Variants in CDC40 observed in about 807,000 individuals in gnomAD.
CDC40 encodes the protein cell division cycle 40.
Under a neutral mutation model 80.6 loss-of-function variants are expected in CDC40, and 27 were observed. The observed-to-expected ratio is 0.33, with a 90% CI of 0.25 to 0.46. The LOEUF is 0.46. Among genes scored for constraint, CDC40 ranks in the 20% least tolerant of loss-of-function variants. The probability of loss-of-function intolerance (pLI) is 1.00; values close to 1 mark genes in which losing one functional copy is unlikely to be tolerated. For synonymous variants in CDC40, 221 were observed against 232.6 expected, an observed-to-expected ratio of 0.95 and a Z score of 0.45; for missense variants, 486 against 694.1, an observed-to-expected ratio of 0.70 and a Z score of 3.37.
intron 10 of CDC40, among the ~76,000 whole-genome samples, chr6:110,218,457 A>G (rs1777727466): frequency 6.6e-6 from 1 of 152,168 alleles, no homozygotes; most frequent in South Asian, 2.1e-4. Flanking sequence ...CTATGAGGTA[A>G]GTACTATTAT....
chr6:110,211,988 C>T (rs1584076308), intron 6 of CDC40, 145 bp from the exon 7 acceptor site: 2 of 626,564 alleles, frequency 3.2e-6, no homozygotes, highest in East Asian at 5.5e-5. Context: ...TTAGCTGACT[C>T]ATGATCTTGA....
rs1050600239 is a variant in CDC40 at position 110,231,745 on chromosome 6, A to G, written c.*1614A>G. ...GAGTCCAGTGAGGTCATAGCAGTGTATGCTCCTTGCCCTTACGGAGTGTCT... is the reference window on the plus strand; with the variant it reads ...GAGTCCAGTGAGGTCATAGCAGTGTGTGCTCCTTGCCCTTACGGAGTGTCT... On this transcript the variant is annotated 3_prime_UTR_variant, in exon 15 of 15. Transcript: ENST00000307731. 1.3e-5 allele frequency: 2 copies of G among 151,182 alleles called. No individual in the cohort carries two copies. The highest frequency in any genetic ancestry group is 4.9e-5 in the African/African-American group (2 of 41,084). 9.4% of individuals were successfully genotyped at this position (151,182 alleles called of 1,614,324 possible).
intron 12 of CDC40, chr6:110,224,275 GT>G (rs1230531696): frequency 1.3e-5 from 2 of 151,884 alleles, no homozygotes; most frequent in African/African-American, 2.4e-5. Flanking sequence ...CTTTTATTAG[GT>G]TTTTTTCGTG....
intron 12 of CDC40, among the ~76,000 whole-genome samples, chr6:110,222,139 C>T (rs901057385): frequency 6.6e-6 from 1 of 152,126 alleles, no homozygotes; most frequent in East Asian, 1.9e-4. Flanking sequence ...CCTGTAGTCC[C>T]AGCTACTCGG....
At chr6:110,206,723 A>G (rs1275491953) in intron 3 of CDC40, among the ~76,000 whole-genome samples, 1 of 152,216 alleles carries the variant, frequency 6.6e-6, no homozygotes, top group African/African-American at 2.4e-5. Context: ...GCTAGATTTT[A>G]TGTAATCTTC....
intron 9 of CDC40, among the ~76,000 whole-genome samples, chr6:110,215,845 T>C (rs1321748688): frequency 1.3e-5 from 2 of 152,162 alleles, no homozygotes; most frequent in African/African-American, 4.8e-5. Flanking sequence ...TTAGAGATGA[T>C]GAGCGCCTGA....
intron 2 of CDC40, among the ~76,000 whole-genome samples, chr6:110,197,495 G>C (rs1231776861): frequency 6.6e-6 from 1 of 152,048 alleles, no homozygotes; most frequent in African/African-American, 2.4e-5. Context: ...ATTAACTGTA[G>C]TCACCATGTT....
intron 1 of CDC40, among the ~76,000 whole-genome samples, chr6:110,191,106 G>T (rs1490016826): frequency 6.6e-6 from 1 of 152,234 alleles, no homozygotes; most frequent in African/African-American, 2.4e-5. Context: ...GAGAAACTAA[G>T]TTGCCTGTTT....
rs112593149 is a variant in CDC40 at position 110,181,886 on chromosome 6, G to A, written c.189+1253G>A. Among the ~76,000 whole-genome samples, 840 of 152,170 alleles carry A rather than the reference G, an allele frequency of 5.5e-3. 12 individuals carry two copies. Among genetic ancestry groups the A allele is most frequent in the African/African-American group, 0.02 (813 of 41,518 alleles). On this transcript the variant is annotated intron_variant, in intron 1 of 14. Transcript: ENST00000307731. Reference sequence around the variant, plus strand: ...TCCTCTTTCTTGAAACTTTCTCTCCGTTTCGCTTCCATGGGGCTCTACTCA... The same window carrying A: ...TCCTCTTTCTTGAAACTTTCTCTCCATTTCGCTTCCATGGGGCTCTACTCA...
chr6:110,228,493 C>T lies in CDC40; in HGVS notation c.1418-339C>T, dbSNP rs189963401. Among the ~76,000 whole-genome samples, 29 of 152,132 alleles carry T rather than the reference C, an allele frequency of 1.9e-4. No individual in the cohort carries two copies. In the East Asian group the frequency reaches 5.0e-3, roughly 26 times the overall value. The stretch of plus-strand genomic sequence containing the variant: ...CTCCTATTTCCCATAGTTCTGTTGT[C>T]TATACTTACTATAAATTAATTTCAT... On this transcript the variant is annotated intron_variant, in intron 13 of 14. Transcript: ENST00000307731.
chr6:110,203,299 A>G (rs1777516512), intron 3 of CDC40, among the ~76,000 whole-genome samples: 1 of 152,176 alleles, frequency 6.6e-6, no homozygotes, highest in Non-Finnish European at 1.5e-5. Context: ...TCTTATAGAA[A>G]GTTCTTATCT....
chr6:110,185,625 TG>T (rs1777259359), intron 1 of CDC40, among the ~76,000 whole-genome samples: 1 of 152,174 alleles, frequency 6.6e-6, no homozygotes, highest in Non-Finnish European at 1.5e-5. Flanking sequence ...ACCCCTGAAC[TG>T]GAACATAAAA....
chr6:110,216,616 C>T (rs1030638017), intron 9 of CDC40, among the ~76,000 whole-genome samples: 2 of 152,104 alleles, frequency 1.3e-5, no homozygotes, highest in Non-Finnish European at 2.9e-5. Flanking sequence ...AAAAGGATGC[C>T]TAATTACCAT....
chr6:110,207,930 G>A (rs1047562265), intron 4 of CDC40, among the ~76,000 whole-genome samples: 4 of 152,156 alleles, frequency 2.6e-5, no homozygotes, highest in African/African-American at 9.7e-5. Context: ...CAACATTAAT[G>A]TCAAGCTTCA....
chr6:110,217,652 AGATATAT>A (rs774489790), intron 9 of CDC40, 43 bp from the exon 10 acceptor site: 2 of 830,032 alleles, frequency 2.4e-6, no homozygotes, highest in Non-Finnish European at 4.3e-6. Context: ...TAAGAGAAGA[AGATATAT>A]GATACTTCAC....
At chr6:110,203,047 G>T (rs1276543973) in intron 3 of CDC40, among the ~76,000 whole-genome samples, 3 of 152,058 alleles carry the variant, frequency 2.0e-5, no homozygotes, top group Non-Finnish European at 4.4e-5. Context: ...ATAGATCTTA[G>T]ATAAGGTCGA....
intron 12 of CDC40, among the ~76,000 whole-genome samples, chr6:110,221,024 T>C (rs1024744122): frequency 1.3e-5 from 2 of 152,218 alleles, no homozygotes; most frequent in African/African-American, 4.8e-5. Flanking sequence ...TTATGGAATA[T>C]AGTCATATTA....
At chr6:110,225,046 G>C (rs1450781189) in intron 12 of CDC40, among the ~76,000 whole-genome samples, 1 of 152,174 alleles carries the variant, frequency 6.6e-6, no homozygotes, top group Non-Finnish European at 1.5e-5. Context: ...TTGGAGATCT[G>C]ACAAATGATG....
intron 10 of CDC40, among the ~76,000 whole-genome samples, chr6:110,219,129 T>A (rs1268888044): frequency 6.6e-6 from 1 of 152,218 alleles, no homozygotes; most frequent in Non-Finnish European, 1.5e-5. Context: ...TTCCATTATA[T>A]GAATGAAGTT....
Sources: gnomAD v4.1 joint callset for allele counts (sites outside exome capture counted in the v4.1 genomes callset) on GRCh38, gnomAD v4.1.1 for gene constraint, MANE v1.5 for transcripts, NCBI Gene and HGNC (gene_info 2026-07-23, HGNC 2026-07-21) for gene names.